The following PHF21B variants were observed in gnomAD, a reference collection of about 807,000 sequenced individuals.
PHF21B encodes PHD finger protein 21B, also known as PHD finger protein 4.
A neutral mutation model predicts 62.2 loss-of-function variants in PHF21B; 22 were observed. The ratio of observed to expected loss-of-function variants is 0.35; its 90% CI spans 0.25 to 0.51. The LOEUF (loss-of-function observed/expected upper bound fraction) is 0.51, where lower values mean the gene tolerates loss of function less well. PHF21B is among the 20% of genes least tolerant of loss of function. PHF21B has a pLI of 0.97. For missense variants in PHF21B, 701 were observed against 707.9 expected, an observed-to-expected ratio of 0.99 and a Z score of 0.11; for synonymous variants, 341 against 314.7, an observed-to-expected ratio of 1.08 and a Z score of -0.88.
chr22:44,925,429 CATT>C (rs748965219), intron 2 of PHF21B, among the ~76,000 whole-genome samples: 175 of 152,326 alleles, frequency 1.1e-3, no homozygotes, highest in Non-Finnish European at 2.1e-3. Flanking sequence ...CTGCTTCTCT[CATT>C]ATGCTCGGAC....
At chr22:44,950,754 G>A (rs1433723028) in intron 2 of PHF21B, among the ~76,000 whole-genome samples, 10 of 152,310 alleles carry the variant, frequency 6.6e-5, no homozygotes, top group Non-Finnish European at 1.3e-4. Flanking sequence ...CATAATTGAA[G>A]CAGGGCTCTT....
intron 2 of PHF21B, chr22:44,969,295 G>A (rs745406168): frequency 2.0e-5 from 3 of 152,282 alleles, no homozygotes; most frequent in Non-Finnish European, 1.5e-5. Flanking sequence ...CTCTTAGACT[G>A]AGGCCTGGAA....
intron 2 of PHF21B, among the ~76,000 whole-genome samples, chr22:44,990,071 C>G (rs1488612086): frequency 1.3e-5 from 2 of 152,222 alleles, no homozygotes; most frequent in African/African-American, 4.8e-5. Flanking sequence ...TGCCCGTGTC[C>G]CCTGGGCAGA....
At position 44,882,113 on chromosome 22, in the gene PHF21B, G is replaced by C; in HGVS notation, c.*973C>G. 1 of 152,758 alleles carries C rather than the reference G, an allele frequency of 6.5e-6. No homozygotes were observed. The highest frequency in any genetic ancestry group is 1.9e-4 in the East Asian group (1 of 5,200). 9.5% of individuals were successfully genotyped at this position (152,758 alleles called of 1,614,324 possible). A position where few individuals can be genotyped will look rare whatever the true frequency, so the allele number is the denominator to read the frequency against. ...TAAAAACGCCATACAAAAGTGTGAA[G>C]TTATTTTTTGGCATAGTGTCTGCAC... On this transcript the variant is annotated 3_prime_UTR_variant, in exon 13 of 13. Transcript: ENST00000313237.
At chr22:44,935,823 G>A (rs1257187504) in intron 2 of PHF21B, among the ~76,000 whole-genome samples, 3 of 152,048 alleles carry the variant, frequency 2.0e-5, no homozygotes, top group African/African-American at 7.2e-5. Flanking sequence ...CAGAGTTAGC[G>A]AGACTAGAAA....
At chr22:44,904,879 T>G (rs1000178222) in intron 5 of PHF21B, among the ~76,000 whole-genome samples, 1 of 152,174 alleles carries the variant, frequency 6.6e-6, no homozygotes, top group Admixed American at 6.5e-5. Flanking sequence ...GGCAGCAACT[T>G]TCCCTCGGCA....
intron 2 of PHF21B, among the ~76,000 whole-genome samples, chr22:44,938,533 A>G (rs2071893900): frequency 6.6e-6 from 1 of 152,174 alleles, no homozygotes; most frequent in Non-Finnish European, 1.5e-5. Context: ...GCGCCCAAAA[A>G]ATCTATATAT....
intron 2 of PHF21B, among the ~76,000 whole-genome samples, chr22:44,975,902 C>T (rs781286795): frequency 6.6e-6 from 1 of 152,268 alleles, no homozygotes; most frequent in Non-Finnish European, 1.5e-5. Context: ...CACAGTGGCT[C>T]ACGCCTGTAA....
chr22:45,007,139 C>T, intron 2 of PHF21B, among the ~76,000 whole-genome samples: 1 of 150,596 alleles, frequency 6.6e-6, no homozygotes, highest in African/African-American at 2.4e-5. Flanking sequence ...AGGGTTAGCG[C>T]ATTTGTCCCA....
chr22:44,942,512 T>C (rs1270760981), intron 2 of PHF21B, among the ~76,000 whole-genome samples: 1 of 152,186 alleles, frequency 6.6e-6, no homozygotes, highest in Non-Finnish European at 1.5e-5. Flanking sequence ...AAACGTGACC[T>C]GCCAATGCTG....
At chr22:44,939,667 A>G (rs2071918022) in intron 2 of PHF21B, among the ~76,000 whole-genome samples, 2 of 152,152 alleles carry the variant, frequency 1.3e-5, no homozygotes. Flanking sequence ...CGAGGAGACC[A>G]GGAGAAGTCA....
chr22:44,991,476 C>A (rs2073041664), intron 2 of PHF21B, among the ~76,000 whole-genome samples: 1 of 152,052 alleles, frequency 6.6e-6, no homozygotes, highest in Admixed American at 6.5e-5. Flanking sequence ...GAGCGTCCTC[C>A]CCCAGGGAAG....
chr22:44,931,791 G>A (rs889825518), intron 2 of PHF21B, among the ~76,000 whole-genome samples: 6 of 152,078 alleles, frequency 3.9e-5, no homozygotes, highest in African/African-American at 1.2e-4. Flanking sequence ...CAGCTAAAAC[G>A]GCCACTTCTG....
At chr22:44,921,522 C>G (rs1041524375) in intron 2 of PHF21B, among the ~76,000 whole-genome samples, 1 of 151,304 alleles carries the variant, frequency 6.6e-6, no homozygotes, top group Admixed American at 6.6e-5. Flanking sequence ...GCTGCCACCA[C>G]GCCTGGCTAA....
chr22:44,919,936 C>G (rs369333380), intron 3 of PHF21B, among the ~76,000 whole-genome samples: 1 of 152,222 alleles, frequency 6.6e-6, no homozygotes, highest in East Asian at 1.9e-4. Flanking sequence ...GGGGGGGACC[C>G]TGCACTAGAA....
chr22:44,959,480 T>C lies in PHF21B; in HGVS notation c.121-38990A>G, dbSNP rs566993115. Among the ~76,000 whole-genome samples the C allele has an allele frequency of 2.6e-5, 4 of 152,312 alleles. No homozygotes were observed. In the South Asian group the frequency reaches 8.3e-4, roughly 32 times the overall value. ...ACACCAGTTCTAGCCAAGTGCTCTC[T>C]CAAGGCCCCAAGAAAAGTGTTTGTG... On this transcript the variant is annotated intron_variant, in intron 2 of 12. Transcript: ENST00000313237.
chr22:44,951,015 G>A (rs79292125), intron 2 of PHF21B, among the ~76,000 whole-genome samples: 29,361 of 151,974 alleles, frequency 0.19, 3,014 homozygotes, highest in Middle Eastern at 0.31. Flanking sequence ...AGGTTCTGAC[G>A]TAAAGCCTGC....
At chr22:44,994,428 G>A (rs993767237) in intron 2 of PHF21B, among the ~76,000 whole-genome samples, 4 of 152,236 alleles carry the variant, frequency 2.6e-5, no homozygotes, top group African/African-American at 9.6e-5. Context: ...ACTTCCAGAA[G>A]CCGCCAGGGG....
At chr22:44,939,025 C>T (rs1055505394) in intron 2 of PHF21B, among the ~76,000 whole-genome samples, 3 of 152,226 alleles carry the variant, frequency 2.0e-5, no homozygotes, top group South Asian at 2.1e-4. Context: ...ACACACACGG[C>T]GCCTCCAGTG....
Sources: allele counts gnomAD v4.1 joint callset (sites outside exome capture counted in the v4.1 genomes callset), GRCh38; gene constraint gnomAD v4.1.1; transcripts MANE v1.5; gene names NCBI Gene and HGNC (gene_info 2026-07-23, HGNC 2026-07-21).